The following EBF1 variants were observed in gnomAD, a reference collection of about 807,000 sequenced individuals.
EBF1 encodes transcription factor COE1.
EBF1 carries 10 observed loss-of-function variants against 68.4 expected under a neutral mutation model. The observed-to-expected ratio is 0.15, with a 90% confidence interval of 0.09 to 0.25. The LOEUF is 0.25. EBF1 is among the 10% of genes least tolerant of loss of function. The pLI is 1.00. For synonymous variants in EBF1, 298 were observed against 299.8 expected, an observed-to-expected ratio of 0.99 and a Z score of 0.06; for missense variants, 509 against 794.4, an observed-to-expected ratio of 0.64 and a Z score of 4.32.
At chr5:159,062,645 C>T (rs974305568) in intron 6 of EBF1, among the ~76,000 whole-genome samples, 6 of 152,204 alleles carry the variant, frequency 3.9e-5, no homozygotes, top group Non-Finnish European at 7.3e-5. Context: ...ACACTGATTT[C>T]GCGTTTGACA....
chr5:159,019,881 G>T (rs1228484318), intron 6 of EBF1, among the ~76,000 whole-genome samples: 1 of 151,926 alleles, frequency 6.6e-6, no homozygotes, highest in Non-Finnish European at 1.5e-5. Flanking sequence ...TTTTCATCTT[G>T]CACCCTTTGC....
intron 8 of EBF1, among the ~76,000 whole-genome samples, chr5:158,813,395 G>C (rs924306941): frequency 1.3e-5 from 2 of 152,154 alleles, no homozygotes; most frequent in Admixed American, 1.3e-4. Flanking sequence ...CACCTTCCCA[G>C]CTGAAGAAAT....
intron 10 of EBF1, among the ~76,000 whole-genome samples, chr5:158,732,059 C>T (rs924940327): frequency 1.3e-5 from 2 of 152,154 alleles, no homozygotes; most frequent in Non-Finnish European, 2.9e-5. Context: ...AACACGGCAG[C>T]TCCAGCTCCT....
intron 11 of EBF1, among the ~76,000 whole-genome samples, chr5:158,725,417 C>A (rs1048057559): frequency 1.3e-5 from 2 of 152,204 alleles, no homozygotes; most frequent in South Asian, 2.1e-4. Context: ...CTGGAATGAA[C>A]AACAACTTTT....
At chr5:158,998,176 C>A (rs979662286) in intron 6 of EBF1, among the ~76,000 whole-genome samples, 6 of 152,124 alleles carry the variant, frequency 3.9e-5, no homozygotes, top group Non-Finnish European at 7.4e-5. Flanking sequence ...AAGTCCTCCA[C>A]CCCCAAATTA....
At chr5:159,097,279 T>C (rs1782809718) in intron 1 of EBF1, 149 bp from the exon 2 acceptor site, 2 of 876,124 alleles carry the variant, frequency 2.3e-6, no homozygotes, top group African/African-American at 1.7e-5. Context: ...TCAGGCGACA[T>C]AGACCCAGCT....
In EBF1 at chr5:159,073,748, G is replaced by A. The variant is rs1778252416; in HGVS notation, c.486-284C>T. The A allele has an allele frequency of 1.7e-5, 7 of 412,508 alleles. 1 individual carries two copies. The highest frequency in any genetic ancestry group is 1.4e-4 in the South Asian group (4 of 27,716). 25.6% of individuals were successfully genotyped at this position (412,508 alleles called of 1,614,324 possible). A position where few individuals can be genotyped will look rare whatever the true frequency, so the allele number is the denominator to read the frequency against. On this transcript the variant is annotated intron_variant, in intron 5 of 15. Transcript: ENST00000313708. ...GGGTCTCCCCATGACTGCCCGCGGT[G>A]CTGGCAGAGTTCACTGTGAAGTGCA...
intron 9 of EBF1, among the ~76,000 whole-genome samples, chr5:158,780,572 A>G (rs951080908): frequency 1.3e-5 from 2 of 152,210 alleles, no homozygotes; most frequent in Admixed American, 1.3e-4. Flanking sequence ...GAAAACTGAT[A>G]TCAACTGCAA....
chr5:159,050,155 TC>T (rs1773259627), intron 6 of EBF1, among the ~76,000 whole-genome samples: 3 of 76,248 alleles, frequency 3.9e-5, no homozygotes, highest in East Asian at 1.4e-3. Context: ...TTTCTCTTTC[TC>T]TCTCTCTCTC....
intron 6 of EBF1, among the ~76,000 whole-genome samples, chr5:158,939,951 T>C (rs1227509420): frequency 6.6e-6 from 1 of 152,108 alleles, no homozygotes; most frequent in African/African-American, 2.4e-5. Context: ...ACTTATACCC[T>C]CTCAAGGAAT....
intron 8 of EBF1, among the ~76,000 whole-genome samples, chr5:158,807,185 C>T (rs1226637885): frequency 6.6e-6 from 1 of 152,058 alleles, no homozygotes; most frequent in African/African-American, 2.4e-5. Context: ...ATAGGGGGTG[C>T]CCTCCATAGA....
intron 4 of EBF1, among the ~76,000 whole-genome samples, chr5:159,088,889 T>C (rs563521001): frequency 1.3e-5 from 2 of 152,210 alleles, no homozygotes; most frequent in Admixed American, 6.5e-5. Flanking sequence ...GAATCAAAAA[T>C]GCAATATCAA....
chr5:158,882,685 A>G (rs1413971464), intron 6 of EBF1, among the ~76,000 whole-genome samples: 1 of 152,246 alleles, frequency 6.6e-6, no homozygotes. Context: ...TCAACAACTC[A>G]GTAATTCCAA....
intron 6 of EBF1, among the ~76,000 whole-genome samples, chr5:158,997,574 C>T (rs1761667576): frequency 6.6e-6 from 1 of 152,184 alleles, no homozygotes; most frequent in South Asian, 2.1e-4. Context: ...CCCTATAGCT[C>T]TTTTCTTCCC....
chr5:159,027,579 A>G (rs1399399583), intron 6 of EBF1, among the ~76,000 whole-genome samples: 4 of 152,174 alleles, frequency 2.6e-5, no homozygotes, highest in Non-Finnish European at 5.9e-5. Flanking sequence ...TAGTCACCTG[A>G]CCCTAGATAT....
intron 10 of EBF1, among the ~76,000 whole-genome samples, chr5:158,771,584 A>G (rs1357357681): frequency 2.0e-5 from 3 of 152,158 alleles, no homozygotes; most frequent in African/African-American, 7.2e-5. Flanking sequence ...ATAAAATAAG[A>G]TTGAGGAAGA....
At chr5:158,754,792 T>G (rs1769690938) in intron 10 of EBF1, among the ~76,000 whole-genome samples, 1 of 152,102 alleles carries the variant, frequency 6.6e-6, no homozygotes, top group African/African-American at 2.4e-5. Context: ...AATAAGCACC[T>G]TATTTTGCTC....
At chr5:158,934,038 T>G (rs377352576) in intron 6 of EBF1, among the ~76,000 whole-genome samples, 1 of 152,202 alleles carries the variant, frequency 6.6e-6, no homozygotes, top group African/African-American at 2.4e-5. Flanking sequence ...CTATTGAAAA[T>G]AGAATCTCAA....
At chr5:159,061,728 T>G (rs1775874836) in intron 6 of EBF1, among the ~76,000 whole-genome samples, 1 of 148,878 alleles carries the variant, frequency 6.7e-6, no homozygotes, top group South Asian at 2.2e-4. Flanking sequence ...GAGATTGTTT[T>G]GTTTTTTTTT....
Sources: allele counts gnomAD v4.1 joint callset (sites outside exome capture counted in the v4.1 genomes callset), GRCh38; gene constraint gnomAD v4.1.1; transcripts MANE v1.5; gene names NCBI Gene and HGNC (gene_info 2026-07-23, HGNC 2026-07-21).